TJP1: variants seen among roughly 807,000 people sequenced by gnomAD.
TJP1 encodes the protein tight junction protein 1, also known as tight junction protein ZO-1.
Under a neutral mutation model 194.2 loss-of-function variants are expected in TJP1, and 43 were observed. The observed-to-expected ratio is 0.22, with a 90% CI of 0.17 to 0.29. TJP1 has a LOEUF of 0.29. Ranked by LOEUF, TJP1 falls within the 10% of genes least tolerant of loss-of-function variation. TJP1 has a pLI of 1.00. For missense variants in TJP1, 1,971 were observed against 2,185.7 expected (o/e 0.90, Z 1.96); for synonymous variants, 801 against 779.0 (o/e 1.03, Z -0.47).
At chr15:29,932,268 C>A (rs1223564305) in intron 2 of TJP1, among the ~76,000 whole-genome samples, 1 of 152,144 alleles carries the variant, frequency 6.6e-6, no homozygotes, top group African/African-American at 2.4e-5. Context: ...GTAACTAAGA[C>A]AGGTTTCTAC....
chr15:29,734,619 G>A (rs1435107912), intron 11 of TJP1, among the ~76,000 whole-genome samples: 1 of 151,926 alleles, frequency 6.6e-6, no homozygotes, highest in East Asian at 1.9e-4. Context: ...GAGTAGCTGG[G>A]ATTGCAGGTG....
At chr15:29,939,523 G>A (rs2054995494) in intron 2 of TJP1, among the ~76,000 whole-genome samples, 1 of 152,040 alleles carries the variant, frequency 6.6e-6, no homozygotes, top group Non-Finnish European at 1.5e-5. Context: ...CCAACCCCTA[G>A]CACAGGCTCA....
In TJP1 at chr15:29,772,183, A is replaced by G. The variant is rs763190227; in HGVS notation, c.210-17T>C. 6.8e-7 allele frequency: 1 copy of G among 1,464,670 alleles called. No homozygotes were observed. The highest frequency in any genetic ancestry group is 9.4e-7 in the Non-Finnish European group (1 of 1,059,932). The allele number at this position is 1,464,670 out of a possible 1,614,324, so 90.7% of individuals were successfully genotyped here. On this transcript the variant is annotated splice_polypyrimidine_tract_variant and intron_variant, in intron 3 of 27. Transcript: ENST00000614355. ...TCATTTTCCCTAAGGGGAAAAGGGCACAAAATAATATGTTAGAGAAAAACA... is the reference window on the plus strand; with the variant it reads ...TCATTTTCCCTAAGGGGAAAAGGGCGCAAAATAATATGTTAGAGAAAAACA...
intron 1 of TJP1, among the ~76,000 whole-genome samples, chr15:29,807,532 A>G (rs912458423): frequency 6.6e-6 from 1 of 152,208 alleles, no homozygotes; most frequent in Non-Finnish European, 1.5e-5. Context: ...AGATGAAGAG[A>G]GAGTGACAGT....
chr15:29,725,345 G>A (rs1203728422), intron 18 of TJP1, among the ~76,000 whole-genome samples: 3 of 152,128 alleles, frequency 2.0e-5, no homozygotes, highest in Non-Finnish European at 2.9e-5. Context: ...TCCTTGCAGA[G>A]GCTGTGTATG....
intron 11 of TJP1, among the ~76,000 whole-genome samples, chr15:29,734,609 G>A (rs959548326): frequency 2.6e-5 from 4 of 151,370 alleles, no homozygotes; most frequent in African/African-American, 9.7e-5. Context: ...TCAGCCTCCC[G>A]AGTAGCTGGG....
At chr15:29,740,791 A>G (rs1160276651) in intron 10 of TJP1, among the ~76,000 whole-genome samples, 1 of 152,182 alleles carries the variant, frequency 6.6e-6, no homozygotes, top group East Asian at 1.9e-4. Context: ...TAACTACCCT[A>G]GAACAGGTTC....
At chr15:29,787,484 A>G (rs2047772209) in intron 2 of TJP1, among the ~76,000 whole-genome samples, 1 of 152,048 alleles carries the variant, frequency 6.6e-6, no homozygotes, top group South Asian at 2.1e-4. Context: ...TCACCACCCT[A>G]AAAAGAAACT....
chr15:29,889,506 G>T (rs942104991), intron 2 of TJP1, among the ~76,000 whole-genome samples: 1 of 152,130 alleles, frequency 6.6e-6, no homozygotes, highest in Non-Finnish European at 1.5e-5. Flanking sequence ...AAATTGAAAA[G>T]GAAAAGAAAA....
Position 29,716,669 on chromosome 15 carries a change from C to T in TJP1, c.4144G>A (p.Glu1382Lys), listed in dbSNP as rs541526165. The change falls in exon 23 of 28, where the codon GAG becomes AAG. Residue 1382 changes from glutamate (E) to lysine (K), a missense_variant. Glu to Lys is a moderately conservative substitution (Grantham distance 56). Transcript: ENST00000614355. The part of the protein sequence containing the change: ...PAHIAASHLS[E>K]PAKPAHSQNQ... Reference sequence around the variant, plus strand: ...TGAGAATGCGCTGGCTTTGCAGGCTCGGAGAGATGGCTGGCGGCAATGTGT... The same window carrying T: ...TGAGAATGCGCTGGCTTTGCAGGCTTGGAGAGATGGCTGGCGGCAATGTGT... The T allele has an allele frequency of 1.6e-5, 26 of 1,614,032 alleles. No individual in the cohort carries two copies. Among genetic ancestry groups the T allele is most frequent in the East Asian group, 1.6e-4 (7 of 44,878 alleles).
intron 1 of TJP1, chr15:29,956,496 C>A (rs1381327333): frequency 1.3e-6 from 1 of 761,914 alleles, no homozygotes; most frequent in Non-Finnish European, 1.8e-6. Context: ...AAGCTAAGAA[C>A]CACAGCAGAG....
At chr15:29,793,572 C>T (rs2151831664) in intron 2 of TJP1, among the ~76,000 whole-genome samples, 1 of 152,214 alleles carries the variant, frequency 6.6e-6, no homozygotes, top group Non-Finnish European at 1.5e-5. Flanking sequence ...ATAATCAGGG[C>T]AGAAGGCAAC....
intron 2 of TJP1, among the ~76,000 whole-genome samples, chr15:29,849,378 G>A (rs1400633404): frequency 2.0e-5 from 3 of 149,968 alleles, no homozygotes; most frequent in South Asian, 2.1e-4. Flanking sequence ...CACTCACCCC[G>A]CACCCCCCAC....
intron 2 of TJP1, among the ~76,000 whole-genome samples, chr15:29,926,975 AT>A (rs141991111): frequency 0.03 from 4,552 of 152,278 alleles, 203 homozygotes; most frequent in African/African-American, 0.097. Context: ...AGATAATATA[AT>A]TATCAGATAG....
intron 8 of TJP1, chr15:29,759,397 T>C (rs1171692628): frequency 6.6e-6 from 1 of 152,228 alleles, no homozygotes; most frequent in Admixed American, 6.5e-5. Context: ...ACAACAGTGA[T>C]GTTTTGATAT....
Position 29,701,430 on chromosome 15 carries a change from C to A in TJP1, c.*165G>T. 3.7e-6 allele frequency: 2 copies of A among 546,444 alleles called. No homozygotes were observed. The highest frequency in any genetic ancestry group is 3.0e-5 in the South Asian group (1 of 32,796). The allele number at this position is 546,444 out of a possible 1,614,324, so 33.8% of individuals were successfully genotyped here. A position where few individuals can be genotyped will look rare whatever the true frequency, so the allele number is the denominator to read the frequency against. ...TGCAGTGTGTAGCATGTTTTCCGAC[C>A]ATGGTTCAGGGGCATGCTCACTCAT... On this transcript the variant is annotated 3_prime_UTR_variant, in exon 28 of 28. Transcript: ENST00000614355.
chr15:29,941,462 G>T (rs548529643), intron 2 of TJP1, among the ~76,000 whole-genome samples: 1 of 152,126 alleles, frequency 6.6e-6, no homozygotes, highest in Non-Finnish European at 1.5e-5. Flanking sequence ...CTGGCTGAAG[G>T]GGGGAAGGAG....
chr15:29,792,332 T>C (rs535412147), intron 2 of TJP1, among the ~76,000 whole-genome samples: 1 of 152,330 alleles, frequency 6.6e-6, no homozygotes. Flanking sequence ...ATGTCCAGTC[T>C]TCCCAGCACC....
At chr15:29,903,897 C>A (rs1213009901) in intron 2 of TJP1, among the ~76,000 whole-genome samples, 1 of 152,158 alleles carries the variant, frequency 6.6e-6, no homozygotes, top group Non-Finnish European at 1.5e-5. Context: ...CAAATAAAGA[C>A]GTATTTGTAG....
Sources: gnomAD v4.1 joint callset for allele counts (sites outside exome capture counted in the v4.1 genomes callset) on GRCh38, gnomAD v4.1.1 for gene constraint, MANE v1.5 for transcripts, NCBI Gene and HGNC (gene_info 2026-07-23, HGNC 2026-07-21) for gene names.